The following TENM3 variants were observed in gnomAD, a reference collection of about 807,000 sequenced individuals.
TENM3 encodes teneurin transmembrane protein 3, also known as teneurin-3.
In TENM3, 63 loss-of-function variants were observed where a neutral mutation model predicts 255.1. That is an observed-to-expected ratio of 0.25 (90% CI 0.20 to 0.30). The LOEUF (loss-of-function observed/expected upper bound fraction) is 0.30. TENM3 is among the 10% of genes least tolerant of loss of function. TENM3 has a pLI of 1.00. For synonymous variants in TENM3, 1,306 were observed against 1,322.3 expected, an observed-to-expected ratio of 0.99 and a Z score of 0.27; for missense variants, 2,929 against 3,461.1, an observed-to-expected ratio of 0.85 and a Z score of 3.86.
Position 182,628,814 on chromosome 4 carries a change from T to C in TENM3, c.913T>C (p.Cys305Arg). 6.2e-7 allele frequency: 1 copy of C among 1,611,562 alleles called. No individual in the cohort carries two copies. Among genetic ancestry groups the C allele is most frequent in the Non-Finnish European group, 8.5e-7 (1 of 1,178,916 alleles). The change falls in exon 5 of 28, where the codon TGT becomes CGT. Residue 305 changes from cysteine to arginine, a missense_variant. Physicochemically the swap from Cys to Arg is radical, Grantham distance 180. Transcript: ENST00000511685. ...AFKFKKSSKY[C>R]SWKCTALCAV... ...TAAATTCAAGAAGTCTTCAAAGTAC[T>C]GTAGCTGGAAATGCACTGCACTGTG...
intron 1 of TENM3, among the ~76,000 whole-genome samples, chr4:182,283,945 G>T (rs1318098544): frequency 6.6e-6 from 1 of 152,138 alleles, no homozygotes; most frequent in African/African-American, 2.4e-5. Context: ...TCTTTTGATG[G>T]TGTTTGTGGA....
chr4:181,787,810 T>A, the TENM3 span, among the ~76,000 whole-genome samples: 1 of 152,160 alleles, frequency 6.6e-6, no homozygotes, highest in Non-Finnish European at 1.5e-5. Flanking sequence ...TGTGTTGATT[T>A]GTCTTTGCTT....
the TENM3 span, among the ~76,000 whole-genome samples, chr4:181,590,932 T>C: frequency 5.3e-5 from 8 of 152,198 alleles, no homozygotes; most frequent in African/African-American, 1.7e-4. Flanking sequence ...ATTGTTACCA[T>C]GCTATGATGT....
chr4:181,855,573 A>T, the TENM3 span, among the ~76,000 whole-genome samples: 1 of 152,204 alleles, frequency 6.6e-6, no homozygotes, highest in African/African-American at 2.4e-5. Context: ...AGGAAAGTGA[A>T]TCATAATTGC....
the TENM3 span, among the ~76,000 whole-genome samples, chr4:181,793,164 T>C: frequency 1.3e-5 from 2 of 152,212 alleles, no homozygotes; most frequent in East Asian, 3.9e-4. Context: ...TTCTGTAAAC[T>C]GCGCTAGACT....
At chr4:182,658,587 C>T (rs557738251) in intron 6 of TENM3, among the ~76,000 whole-genome samples, 14 of 152,328 alleles carry the variant, frequency 9.2e-5, no homozygotes, top group African/African-American at 2.4e-4. Flanking sequence ...TTAAACTCCA[C>T]GTGTCTAAAA....
At chr4:182,200,200 T>C (rs1561190899) in intron 1 of TENM3, among the ~76,000 whole-genome samples, 1 of 152,126 alleles carries the variant, frequency 6.6e-6, no homozygotes, top group Admixed American at 6.5e-5. Flanking sequence ...TGCATAATCA[T>C]AGAAAAAGAA....
intron 1 of TENM3, among the ~76,000 whole-genome samples, chr4:182,191,449 G>A (rs73871816): frequency 0.03 from 4,507 of 152,092 alleles, 254 homozygotes; most frequent in African/African-American, 0.1. Flanking sequence ...CTCAGATGCC[G>A]CCTCCCTTAG....
intron 5 of TENM3, among the ~76,000 whole-genome samples, chr4:182,634,358 G>A (rs772074772): frequency 2.0e-5 from 3 of 152,132 alleles, no homozygotes; most frequent in Non-Finnish European, 4.4e-5. Context: ...GCCCTATTAG[G>A]ATAGAGGAGC....
the TENM3 span, among the ~76,000 whole-genome samples, chr4:181,647,716 T>C: frequency 1.3e-5 from 2 of 152,026 alleles, no homozygotes; most frequent in Non-Finnish European, 2.9e-5. Context: ...AAAGGACACG[T>C]CGTGGGATGT....
At chr4:181,644,934 G>A in the TENM3 span, among the ~76,000 whole-genome samples, 1 of 152,120 alleles carries the variant, frequency 6.6e-6, no homozygotes, top group Admixed American at 6.5e-5. Context: ...TGGGAGAGGA[G>A]GAGAGGCTGG....
chr4:182,017,488 C>A, the TENM3 span, among the ~76,000 whole-genome samples: 1 of 152,120 alleles, frequency 6.6e-6, no homozygotes, highest in Non-Finnish European at 1.5e-5. Context: ...TTAGCCTTTT[C>A]TGTTTACAAA....
chr4:182,055,736 A>T, the TENM3 span, among the ~76,000 whole-genome samples: 2 of 152,178 alleles, frequency 1.3e-5, no homozygotes, highest in African/African-American at 4.8e-5. Flanking sequence ...CACAAAGACA[A>T]GTAGTTCTAG....
chr4:181,500,839 G>A, the TENM3 span, among the ~76,000 whole-genome samples: 1 of 152,148 alleles, frequency 6.6e-6, no homozygotes, highest in South Asian at 2.1e-4. Context: ...TTTCTTTTAA[G>A]TTCATACAAT....
At chr4:182,039,024 C>T in the TENM3 span, among the ~76,000 whole-genome samples, 1,171 of 152,188 alleles carry the variant, frequency 7.7e-3, 12 homozygotes, top group African/African-American at 0.027. Flanking sequence ...TGAGCCCCTG[C>T]GCCCGGCCAT....
the TENM3 span, among the ~76,000 whole-genome samples, chr4:181,646,169 T>A: frequency 9.2e-5 from 14 of 152,230 alleles, no homozygotes; most frequent in African/African-American, 3.4e-4. Flanking sequence ...TGGTTATGAA[T>A]CACACACACA....
chr4:182,461,795 G>A (rs915055054), intron 3 of TENM3, among the ~76,000 whole-genome samples: 3 of 152,252 alleles, frequency 2.0e-5, no homozygotes, highest in South Asian at 2.1e-4. Flanking sequence ...GATGCTCAGC[G>A]GGTACTTGTT....
chr4:181,915,970 T>G, the TENM3 span, among the ~76,000 whole-genome samples: 11 of 152,190 alleles, frequency 7.2e-5, no homozygotes, highest in African/African-American at 2.7e-4. Context: ...AAGTTTATTA[T>G]TCAAGTAAAA....
At chr4:181,472,858 A>G in the TENM3 span, among the ~76,000 whole-genome samples, 1 of 152,188 alleles carries the variant, frequency 6.6e-6, no homozygotes, top group Non-Finnish European at 1.5e-5. Flanking sequence ...TCCTTACAGA[A>G]CAATAGAAAG....
Sources: allele counts gnomAD v4.1 joint callset (sites outside exome capture counted in the v4.1 genomes callset), GRCh38; gene constraint gnomAD v4.1.1; transcripts MANE v1.5; gene names NCBI Gene and HGNC (gene_info 2026-07-23, HGNC 2026-07-21).